The following MYOM2 variants were observed in gnomAD, a reference collection of about 807,000 sequenced individuals.
MYOM2 encodes myomesin-2.
A neutral mutation model predicts 187.6 loss-of-function variants in MYOM2; 254 were observed. The ratio of observed to expected loss-of-function variants is 1.35; its 90% CI spans 1.22 to 1.50. The LOEUF (loss-of-function observed/expected upper bound fraction) is 1.50. MYOM2 is among the 40% of genes most tolerant of loss of function. MYOM2 has a pLI of 0.00. For missense variants in MYOM2, 2,796 were observed against 1,924.0 expected (o/e 1.45, Z -8.48); for synonymous variants, 981 against 753.8 (o/e 1.30, Z -4.94).
Position 2,096,392 on chromosome 8 carries a change from G to A in MYOM2, c.2271G>A (p.Trp757Ter), listed in dbSNP as rs778825435. The change falls in exon 18 of 37, where the codon TGG becomes TGA. Residue 757 changes from tryptophan to a stop codon, truncating the protein, a stop_gained. Transcript: ENST00000262113. LOFTEE classifies it high-confidence loss of function. Reference sequence around the variant, plus strand: ...AGCGTGAAGTTCACCATAAAAACTGGCACGAGGTCAATTCCTCACCCAGCA... The same window carrying A: ...AGCGTGAAGTTCACCATAAAAACTGACACGAGGTCAATTCCTCACCCAGCA... ...LDKREVHHKN[W>*]HEVNSSPSKP... 6.2e-7 allele frequency: 1 copy of A among 1,614,076 alleles called. No homozygotes were observed. The highest frequency in any genetic ancestry group is 8.5e-7 in the Non-Finnish European group (1 of 1,180,048).
rs1797221482 is a variant in MYOM2, at chr8:2,115,826, A to G, written c.3181-134A>G. 7 of 980,166 alleles carry G rather than the reference A, an allele frequency of 7.1e-6. No individual in the cohort carries two copies. In the South Asian group the frequency reaches 1.2e-4, roughly 17 times the overall value. 60.7% of individuals were successfully genotyped at this position (980,166 alleles called of 1,614,324 possible). ...CCTTGTTCACCCAGAGGTTTCCTTG[A>G]TAAAATTTCATTTTGGTTTCTTCCT... On this transcript the variant is annotated intron_variant, in intron 25 of 36. Coordinates refer to ENST00000262113, the MANE Select transcript of MYOM2 (RefSeq NM_003970.4).
At chr8:2,048,020 G>C (rs1275041379) in intron 1 of MYOM2, among the ~76,000 whole-genome samples, 1 of 152,226 alleles carries the variant, frequency 6.6e-6, no homozygotes, top group East Asian at 1.9e-4. Flanking sequence ...TTTCCATCCA[G>C]GGCGATTCTC....
intron 13 of MYOM2, 59 bp downstream of exon 13, chr8:2,079,672 G>C (rs565029451): frequency 2.0e-6 from 3 of 1,535,064 alleles, no homozygotes; most frequent in Middle Eastern, 1.7e-4. Flanking sequence ...GTTGTAATTA[G>C]AGATGGGAGA....
At position 2,098,960 on chromosome 8, in the gene MYOM2, A is replaced by G; in HGVS notation, c.2417A>G (p.Glu806Gly). 4 of 1,611,076 alleles carry G rather than the reference A, an allele frequency of 2.5e-6. No individual in the cohort carries two copies. Among genetic ancestry groups the G allele is most frequent in the Non-Finnish European group, 3.4e-6 (4 of 1,178,046 alleles). Residue 806 changes from glutamate (E) to glycine (G), a missense_variant, in exon 19 of 37, where the codon GAG (glutamate) becomes GGG (glycine). Glu to Gly is a moderately conservative substitution (Grantham distance 98). Transcript: ENST00000262113. ...GATCCCAGTGAGCACTTCAAGTGTG[A>G]GGCCTGGACCATGCCGGAGCCCGGT... ...PSDPSEHFKC[E>G]AWTMPEPGPA...
intron 32 of MYOM2, among the ~76,000 whole-genome samples, chr8:2,131,592 G>C (rs1005690675): frequency 6.7e-6 from 1 of 150,266 alleles, no homozygotes; most frequent in African/African-American, 2.5e-5. Context: ...TTATTTCTAT[G>C]TTTTATCTTC....
intron 6 of MYOM2, among the ~76,000 whole-genome samples, chr8:2,064,143 C>A (rs1438500011): frequency 1.3e-5 from 2 of 152,356 alleles, no homozygotes; most frequent in African/African-American, 2.4e-5. Context: ...CGCCCTTCCT[C>A]CTGCATCTGC....
chr8:2,051,943 G>A lies in MYOM2; in HGVS notation c.108-215G>A, dbSNP rs149485661. Among the ~76,000 whole-genome samples, 6 of 152,318 alleles carry A rather than the reference G, an allele frequency of 3.9e-5. No homozygotes were observed. In the South Asian group the frequency reaches 6.2e-4, roughly 16 times the overall value. On this transcript the variant is annotated intron_variant, in intron 2 of 36. Coordinates refer to ENST00000262113, the MANE Select transcript of MYOM2 (RefSeq NM_003970.4). ...CATTTATTTGCATACACATGTGTAC[G>A]CATGTATTGTATGTGCATATGCATG...
chr8:2,086,370 G>GATCTCCACGTGGCCACACACTGTCA lies in MYOM2; in HGVS notation c.1644+980_1644+981insATCTCCACGTGGCCACACACTGTCA, dbSNP rs1796051444. Among the ~76,000 whole-genome samples, 3 of 24,966 alleles carry GATCTCCACGTGGCCACACACTGTCA rather than the reference G, an allele frequency of 1.2e-4. 1 individual carries two copies. The highest frequency in any genetic ancestry group is 2.9e-4 in the Non-Finnish European group (3 of 10,520). 16.4% of individuals were successfully genotyped at this position (24,966 alleles called of 152,430 possible). On this transcript the variant is annotated intron_variant, in intron 14 of 36. Transcript: ENST00000262113. ...GATCTCTGCGTGGCCTCCCACTGTT[G>GATCTCCACGTGGCCACACACTGTCA]TGATCTCTGCGTGGCCTCCCACTGT...
At chr8:2,092,077 T>C (rs1796321621) in intron 15 of MYOM2, among the ~76,000 whole-genome samples, 1 of 40,670 alleles carries the variant, frequency 2.5e-5, no homozygotes, top group African/African-American at 5.2e-5. Flanking sequence ...ACAGCTCTGA[T>C]GGGAGACAGG....
Position 2,098,877 on chromosome 8 carries a change from C to T in MYOM2, c.2334C>T (p.Gly778=). The T allele has an allele frequency of 1.2e-6, 2 of 1,612,974 alleles. No individual in the cohort carries two copies. The highest frequency in any genetic ancestry group is 1.7e-6 in the Non-Finnish European group (2 of 1,179,380). The change falls in exon 19 of 37, where the codon GGC becomes GGT. Residue 778 remains glycine (G), a synonymous_variant. Coordinates refer to ENST00000262113, the MANE Select transcript of MYOM2 (RefSeq NM_003970.4). The stretch of plus-strand genomic sequence containing the variant: ...AATAGGTGGACGGCTTGACGGAAGG[C>T]TCACTCTACGAGTTCAAAATCGCCG... The part of the protein sequence containing the change: ...TILTVDGLTE[G]SLYEFKIAAV...
At chr8:2,144,621 T>C in intron 36 of MYOM2, 43 bp from the exon 37 acceptor site, 1 of 1,601,910 alleles carries the variant, frequency 6.2e-7, no homozygotes, top group South Asian at 1.1e-5. Flanking sequence ...ATGACTTTCC[T>C]TTTTCTAACT....
intron 24 of MYOM2, 161 bp from the exon 25 acceptor site, chr8:2,109,234 C>G (rs916986912): frequency 5.9e-5 from 51 of 863,946 alleles, no homozygotes; most frequent in East Asian, 2.4e-4. Context: ...CAGGCCAGCT[C>G]AAGTTTTATT....
intron 14 of MYOM2, 50 bp from the exon 15 acceptor site, chr8:2,089,958 G>C (rs1441300861): frequency 1.3e-6 from 2 of 1,588,372 alleles, no homozygotes; most frequent in Non-Finnish European, 1.7e-6. Flanking sequence ...ACACGCCTCT[G>C]GGGACCTCGC....
intron 25 of MYOM2, among the ~76,000 whole-genome samples, chr8:2,110,410 A>G (rs762419715): frequency 3.9e-5 from 6 of 152,146 alleles, no homozygotes; most frequent in Non-Finnish European, 8.8e-5. Context: ...GAACCTTAAC[A>G]ATTATGTCAG....
intron 20 of MYOM2, chr8:2,101,960 A>C (rs887514763): frequency 6.6e-6 from 1 of 152,232 alleles, no homozygotes; most frequent in African/African-American, 2.4e-5. Context: ...GGAGGCCTAC[A>C]TGCTCCAGCT....
At position 2,085,562 on chromosome 8, in the gene MYOM2, GC is replaced by G. The variant is rs1819826264; in HGVS notation, c.1644+173del. On this transcript the variant is annotated intron_variant, in intron 14 of 36. Coordinates refer to ENST00000262113, the MANE Select transcript of MYOM2 (RefSeq NM_003970.4). ...GCGTGGCCCCACTGTCATGATCTCT[GC>G]GTGGCCCCACTGTTGTGATCTCTGC... Among the ~76,000 whole-genome samples the G allele has an allele frequency of 3.1e-4, 4 of 12,942 alleles. 1 individual carries two copies. The African/African-American group carries it at 5.3e-3, about 17-fold the overall frequency. The allele number at this position is 12,942 out of a possible 152,430, so 8.5% of individuals were successfully genotyped here. A position where few individuals can be genotyped will look rare whatever the true frequency, so the allele number is the denominator to read the frequency against.
At chr8:2,086,368 TTGTGATCTCTG>T (rs1796051014) in intron 14 of MYOM2, among the ~76,000 whole-genome samples, 3 of 105,674 alleles carry the variant, frequency 2.8e-5, no homozygotes, top group African/African-American at 1.4e-4. Flanking sequence ...CCTCCCACTG[TTGTGATCTCTG>T]CGTGGCCTCC....
intron 5 of MYOM2, among the ~76,000 whole-genome samples, chr8:2,058,134 T>C (rs986257978): frequency 2.0e-5 from 3 of 150,036 alleles, no homozygotes; most frequent in African/African-American, 7.3e-5. Flanking sequence ...TTCTCCTGCC[T>C]CAGCCTCCTG....
chr8:2,129,042 A>G, intron 31 of MYOM2, 85 bp from the exon 32 acceptor site: 2 of 930,140 alleles, frequency 2.2e-6, no homozygotes, highest in South Asian at 1.4e-5. Context: ...AGGTGGGGAC[A>G]GGAGGGCTTG....
Sources: gnomAD v4.1 joint callset for allele counts (sites outside exome capture counted in the v4.1 genomes callset) on GRCh38, gnomAD v4.1.1 for gene constraint, MANE v1.5 for transcripts, NCBI Gene and HGNC (gene_info 2026-07-23, HGNC 2026-07-21) for gene names.